The following WDR45B variants were observed in gnomAD, a reference collection of about 807,000 sequenced individuals.
WDR45B encodes the protein WD repeat domain 45B, also known as WD repeat domain phosphoinositide-interacting protein 3.
In WDR45B, 20 loss-of-function variants were observed where a neutral mutation model predicts 44.6. That is an observed-to-expected ratio of 0.45 (90% CI 0.32 to 0.65). The LOEUF (loss-of-function observed/expected upper bound fraction) is 0.65. Among genes scored for constraint, WDR45B ranks in the 30% least tolerant of loss-of-function variants. The probability of loss-of-function intolerance (pLI) is 0.05; values close to 1 mark genes in which losing one functional copy is unlikely to be tolerated. For missense variants in WDR45B, 323 were observed against 430.2 expected (o/e 0.75, Z 2.20); for synonymous variants, 169 against 164.9 (o/e 1.02, Z -0.19).
intron 5 of WDR45B, 68 bp from the exon 6 acceptor site, chr17:82,621,867 G>GC: frequency 1.3e-6 from 2 of 1,559,302 alleles, no homozygotes; most frequent in Non-Finnish European, 1.8e-6. Flanking sequence ...TCCACTTTCT[G>GC]CCCCCAAAGT....
At chr17:82,616,852 C>G (rs2045543805) in intron 8 of WDR45B, among the ~76,000 whole-genome samples, 1 of 151,730 alleles carries the variant, frequency 6.6e-6, no homozygotes, top group African/African-American at 2.4e-5. Context: ...GAGTCTCGCT[C>G]TGTAGCCCAG....
At chr17:82,621,537 C>T in intron 6 of WDR45B, 72 bp downstream of exon 6, 1 of 1,602,604 alleles carries the variant, frequency 6.2e-7, no homozygotes, top group Non-Finnish European at 8.5e-7. Context: ...AGTCTTGATA[C>T]AGGGAATGGC....
chr17:82,632,446 T>C (rs991476581), intron 2 of WDR45B, among the ~76,000 whole-genome samples: 2 of 152,106 alleles, frequency 1.3e-5, no homozygotes, highest in Admixed American at 1.3e-4. Flanking sequence ...GGATTGTAAG[T>C]GTGAGCCACC....
At chr17:82,646,513 C>CAAAAAAAAAAAAAA (rs1491582349) in intron 1 of WDR45B, among the ~76,000 whole-genome samples, 2 of 27,080 alleles carry the variant, frequency 7.4e-5, no homozygotes, top group Non-Finnish European at 1.2e-4. Context: ...AAAAAAAAAA[C>CAAAAAAAAAAAAAA]CCAAAACAAA....
rs942030389 is a variant in WDR45B at position 82,627,214 on chromosome 17, G to A, written c.322C>T (p.Arg108Trp). 3.7e-6 allele frequency: 6 copies of A among 1,613,066 alleles called. No homozygotes were observed. Among genetic ancestry groups the A allele is most frequent in the African/African-American group, 1.3e-5 (1 of 74,904 alleles). The change falls in exon 4 of 10, where the codon CGG (arginine) becomes TGG (tryptophan). Residue 108 changes from arginine (R) to tryptophan (W), a missense_variant. Physicochemically the swap from Arg to Trp is moderately radical, Grantham distance 101. Transcript: ENST00000392325. ...FSTEVKAVKL[R>W]RDRIVVVLDS... Reference sequence around the variant, plus strand: ...TGACACCAAACCCACCTATCTCGCCGCAGCTTGACTGCCTTGACTTCTGTA... The same window carrying A: ...TGACACCAAACCCACCTATCTCGCCACAGCTTGACTGCCTTGACTTCTGTA...
At chr17:82,633,893 T>G (rs1023298551) in intron 2 of WDR45B, among the ~76,000 whole-genome samples, 2 of 151,854 alleles carry the variant, frequency 1.3e-5, no homozygotes, top group Admixed American at 6.6e-5. Flanking sequence ...CTCATGCCTG[T>G]TATCTCAGCA....
rs1289159833 is a variant in WDR45B at position 82,614,705 on chromosome 17, T to C, written c.*1214A>G. ...GCAACATCCACAGAGAATTAGCTGA[T>C]TACATGACAGTGACAGTAAAGAACT... is the stretch of plus-strand genomic sequence containing the variant. On this transcript the variant is annotated 3_prime_UTR_variant, in exon 10 of 10. Transcript: ENST00000392325. The C allele has an allele frequency of 2.6e-5, 4 of 152,540 alleles. No homozygotes were observed. Among genetic ancestry groups the C allele is most frequent in the Non-Finnish European group, 5.9e-5 (4 of 68,050 alleles). The allele number at this position is 152,540 out of a possible 1,614,324, so 9.4% of individuals were successfully genotyped here. A position where few individuals can be genotyped will look rare whatever the true frequency, so the allele number is the denominator to read the frequency against.
chr17:82,648,372 C>A lies in WDR45B; in HGVS notation c.-32G>T. ...GCCGTGCTGGGTCGCCGCTCCTCAG[C>A]GCTGCATGCCTCTCGCTGGGGACGG... is the stretch of plus-strand genomic sequence containing the variant. On this transcript the variant is annotated 5_prime_UTR_variant, in exon 1 of 10. Transcript: ENST00000392325. 6.3e-7 allele frequency: 1 copy of A among 1,599,122 alleles called. No homozygotes were observed. Among genetic ancestry groups the A allele is most frequent in the Non-Finnish European group, 8.5e-7 (1 of 1,174,946 alleles).
At chr17:82,637,124 C>A (rs1420745748) in intron 2 of WDR45B, among the ~76,000 whole-genome samples, 1 of 152,000 alleles carries the variant, frequency 6.6e-6, no homozygotes, top group African/African-American at 2.4e-5. Context: ...GCTGGTTTTA[C>A]TTCACAGCAC....
rs1372884664 is a variant in WDR45B, at chr17:82,615,631, G to A, written c.*288C>T. ...GGAGCCCCCGTCAGTGTGAGGATGC[G>A]GCGGAGCCACTGAAGCTAACGTCAC... On this transcript the variant is annotated 3_prime_UTR_variant, in exon 10 of 10. Coordinates refer to ENST00000392325, the MANE Select transcript of WDR45B (RefSeq NM_019613.4). The A allele has an allele frequency of 1.7e-5, 8 of 472,332 alleles. No individual in the cohort carries two copies. Among genetic ancestry groups the A allele is most frequent in the Admixed American group, 3.4e-5 (1 of 29,814 alleles). The allele number at this position is 472,332 out of a possible 1,614,324, so 29.3% of individuals were successfully genotyped here.
chr17:82,647,365 C>T (rs768124158), intron 1 of WDR45B, among the ~76,000 whole-genome samples: 1 of 152,250 alleles, frequency 6.6e-6, no homozygotes, highest in Non-Finnish European at 1.5e-5. Context: ...CATTCCTTTT[C>T]CTCCCCATCA....
intron 5 of WDR45B, among the ~76,000 whole-genome samples, chr17:82,623,725 T>C (rs2143278660): frequency 6.6e-6 from 1 of 151,398 alleles, no homozygotes; most frequent in Admixed American, 6.6e-5. Context: ...AAAAAATTCT[T>C]ACATCTCATT....
intron 5 of WDR45B, among the ~76,000 whole-genome samples, chr17:82,624,763 T>C (rs944041471): frequency 1.2e-4 from 17 of 146,328 alleles, no homozygotes; most frequent in Admixed American, 2.7e-4. Context: ...GGACTACAGG[T>C]GCCCGCCACC....
intron 5 of WDR45B, among the ~76,000 whole-genome samples, chr17:82,624,002 G>A (rs1413551375): frequency 6.6e-6 from 1 of 152,050 alleles, no homozygotes; most frequent in Non-Finnish European, 1.5e-5. Context: ...ATAAACGGCC[G>A]CATTTTATAG....
intron 6 of WDR45B, among the ~76,000 whole-genome samples, chr17:82,619,680 T>C (rs1319622868): frequency 6.6e-6 from 1 of 152,158 alleles, no homozygotes; most frequent in Non-Finnish European, 1.5e-5. Context: ...CGAGGAGGAC[T>C]CTTCAGCTGA....
At chr17:82,633,513 T>C (rs896353923) in intron 2 of WDR45B, among the ~76,000 whole-genome samples, 1 of 152,138 alleles carries the variant, frequency 6.6e-6, no homozygotes, top group African/African-American at 2.4e-5. Flanking sequence ...CTCATACCCA[T>C]GAAGATGACT....
intron 2 of WDR45B, among the ~76,000 whole-genome samples, chr17:82,638,899 T>C (rs1364553048): frequency 6.6e-6 from 1 of 152,012 alleles, no homozygotes; most frequent in Non-Finnish European, 1.5e-5. Context: ...CTCGGCTCAC[T>C]GTAACCTCCG....
At chr17:82,620,186 C>A (rs2045594549) in intron 6 of WDR45B, among the ~76,000 whole-genome samples, 2 of 152,258 alleles carry the variant, frequency 1.3e-5, no homozygotes, top group South Asian at 4.1e-4. Context: ...GTAATCCCAG[C>A]ACTTTGGGAG....
intron 2 of WDR45B, among the ~76,000 whole-genome samples, chr17:82,633,023 T>C (rs944139184): frequency 1.3e-5 from 2 of 151,926 alleles, no homozygotes; most frequent in Admixed American, 1.3e-4. Flanking sequence ...ATTAGCTGGC[T>C]GTGGTGGCAG....
Sources: allele counts gnomAD v4.1 joint callset (sites outside exome capture counted in the v4.1 genomes callset), GRCh38; gene constraint gnomAD v4.1.1; transcripts MANE v1.5; gene names NCBI Gene and HGNC (gene_info 2026-07-23, HGNC 2026-07-21).